ARRB2: variants seen among roughly 807,000 people sequenced by gnomAD.
ARRB2 encodes arrestin beta 2.
Under a neutral mutation model 53.4 loss-of-function variants are expected in ARRB2, and 21 were observed. The ratio of observed to expected loss-of-function variants is 0.39; its 90% CI spans 0.28 to 0.57. The LOEUF is 0.57. Ranked by LOEUF, ARRB2 falls within the 20% of genes least tolerant of loss-of-function variation. ARRB2 has a pLI of 0.55. For missense variants in ARRB2, 369 were observed against 527.5 expected (o/e 0.70, Z 2.94); for synonymous variants, 180 against 212.9 (o/e 0.85, Z 1.34).
chr17:4,715,568 G>GAC (rs112527658), intron 2 of ARRB2: 3,368 of 219,522 alleles, frequency 0.015, 64 homozygotes, highest in African/African-American at 0.056. Context: ...CACACACACG[G>GAC]ACACACACAC....
intron 2 of ARRB2, 157 bp from the exon 3 acceptor site, chr17:4,715,816 C>T: frequency 1.3e-6 from 1 of 793,014 alleles, no homozygotes; most frequent in Admixed American, 2.6e-5. Context: ...AGAAACGCCA[C>T]CACCCTCACT....
At chr17:4,716,767 G>T in intron 5 of ARRB2, 159 bp downstream of exon 5, 1 of 1,351,772 alleles carries the variant, frequency 7.4e-7, no homozygotes, top group Non-Finnish European at 9.8e-7. Context: ...GGAAGCCCTT[G>T]ATTATCTGCC....
chr17:4,711,666 G>C (rs1914425360), intron 1 of ARRB2, among the ~76,000 whole-genome samples: 2 of 152,136 alleles, frequency 1.3e-5, no homozygotes, highest in Admixed American at 6.5e-5. Context: ...AAGTAGACGA[G>C]CATCAGAAAG....
In ARRB2 at chr17:4,715,990, C is replaced by T. The variant is rs1914984695; in HGVS notation, c.72C>T (p.Gly24=). ...SPNCKLTVYL[G]KRDFVDHLDK... Reference sequence around the variant, plus strand: ...ATCCTCAGCTCACCGTGTACTTGGGCAAGCGGGACTTCGTAGATCACCTGG... The same window carrying T: ...ATCCTCAGCTCACCGTGTACTTGGGTAAGCGGGACTTCGTAGATCACCTGG... Residue 24 remains glycine, a synonymous_variant, in exon 3 of 15, where the codon GGC becomes GGT. Transcript: ENST00000269260. 6.2e-7 allele frequency: 1 copy of T among 1,614,190 alleles called. No individual in the cohort carries two copies. The highest frequency in any genetic ancestry group is 8.5e-7 in the Non-Finnish European group (1 of 1,180,030).
At chr17:4,713,011 C>T (rs34126206) in intron 1 of ARRB2, among the ~76,000 whole-genome samples, 65 of 152,244 alleles carry the variant, frequency 4.3e-4, no homozygotes, top group Middle Eastern at 3.4e-3. Flanking sequence ...TTTTTTGAGA[C>T]AAAGTCTTGC....
At chr17:4,713,420 C>T (rs954617950) in intron 1 of ARRB2, among the ~76,000 whole-genome samples, 15 of 152,120 alleles carry the variant, frequency 9.9e-5, no homozygotes, top group Admixed American at 4.6e-4. Context: ...ATCACGAGGT[C>T]GGGAGATTGA....
At chr17:4,714,093 CT>C (rs11324202) in intron 1 of ARRB2, among the ~76,000 whole-genome samples, 97,300 of 151,998 alleles carry the variant, frequency 0.64, 32,082 homozygotes, top group East Asian at 0.81. Context: ...CTGGAGATGC[CT>C]AAATTAATAA....
chr17:4,718,062 T>A lies in ARRB2; in HGVS notation c.621+39T>A, dbSNP rs770136631. Reference sequence around the variant, plus strand: ...GGGTGACACGGATGCCACGGTGCAGTTTAGACCCTGGGGGAGGGGCGAAGC... The same window carrying A: ...GGGTGACACGGATGCCACGGTGCAGATTAGACCCTGGGGGAGGGGCGAAGC... On this transcript the variant is annotated intron_variant, in intron 8 of 14. Transcript: ENST00000269260. 7.5e-6 allele frequency: 12 copies of A among 1,610,128 alleles called. No individual in the cohort carries two copies. In the Admixed American group the frequency reaches 1.8e-4, roughly 25 times the overall value.
At chr17:4,714,557 G>A (rs1170732390) in intron 1 of ARRB2, 1 of 282,370 alleles carries the variant, frequency 3.5e-6, no homozygotes, top group East Asian at 9.0e-5. Context: ...GACAAGACAA[G>A]GGGCATTTCC....
intron 1 of ARRB2, among the ~76,000 whole-genome samples, chr17:4,712,059 T>C (rs1914466910): frequency 6.6e-6 from 1 of 152,134 alleles, no homozygotes; most frequent in African/African-American, 2.4e-5. Context: ...CCAGGGCAAT[T>C]GCCCCAGAAC....
chr17:4,717,133 GTCTCCAGCC>G lies in ARRB2; in HGVS notation c.358-80_358-72del. 6.8e-7 allele frequency: 1 copy of G among 1,468,692 alleles called. No individual in the cohort carries two copies. Among genetic ancestry groups the G allele is most frequent in the Non-Finnish European group, 9.5e-7 (1 of 1,049,048 alleles). The allele number at this position is 1,468,692 out of a possible 1,614,324, so 91.0% of individuals were successfully genotyped here. A position where few individuals can be genotyped will look rare whatever the true frequency, so the allele number is the denominator to read the frequency against. ...ACAGGCATGAGCCACCACACCCAGCGTCTCCAGCCTCTTAGGTTGAGATTTGGAGGAAGA... is the reference window on the plus strand; with the variant it reads ...ACAGGCATGAGCCACCACACCCAGCGTCTTAGGTTGAGATTTGGAGGAAGA... On this transcript the variant is annotated intron_variant, in intron 5 of 14. Coordinates refer to ENST00000269260, the MANE Select transcript of ARRB2 (RefSeq NM_004313.4). This position sits in a 1 kb window ranked among gnomAD's most constrained non-coding sequence, Gnocchi z 6.0.
intron 2 of ARRB2, chr17:4,715,478 C>CACAG (rs1914860383): frequency 1.6e-5 from 2 of 122,694 alleles, no homozygotes; most frequent in Non-Finnish European, 1.6e-5. Context: ...CAAACACACA[C>CACAG]ACACACAGAC....
intron 3 of ARRB2, 38 bp downstream of exon 3, chr17:4,716,071 A>AG: frequency 6.2e-7 from 1 of 1,613,922 alleles, no homozygotes; most frequent in Non-Finnish European, 8.5e-7. Flanking sequence ...GTTCCCCAAG[A>AG]GGGGAAGAAG....
At chr17:4,713,655 T>C (rs1007346896) in intron 1 of ARRB2, among the ~76,000 whole-genome samples, 1 of 146,900 alleles carries the variant, frequency 6.8e-6, no homozygotes, top group Non-Finnish European at 1.5e-5. Context: ...CCAGGCATGA[T>C]GGCAGGCACC....
In ARRB2 at chr17:4,710,690, C is replaced by T. The variant is rs997000744; in HGVS notation, c.-32C>T. On this transcript the variant is annotated 5_prime_UTR_variant, in exon 1 of 15. Coordinates refer to ENST00000269260, the MANE Select transcript of ARRB2 (RefSeq NM_004313.4). ...GCGGGCGAGGAGGCTGCGAGCGAGC[C>T]GCGAACCGAGCGGGCGGCGGGCGCG... 3 of 398,382 alleles carry T rather than the reference C, an allele frequency of 7.5e-6. No homozygotes were observed. Among genetic ancestry groups the T allele is most frequent in the Admixed American group, 4.4e-5 (1 of 22,678 alleles). 24.7% of individuals were successfully genotyped at this position (398,382 alleles called of 1,614,324 possible).
rs925976323 is a variant in ARRB2, at chr17:4,717,299, G to T, written c.417+23G>T. ...AAGGTACGGGAGGAACAGCTCTGAG[G>T]GCTCCTAGGGCAGGACATGGGCCAG... On this transcript the variant is annotated intron_variant, in intron 6 of 14. Transcript: ENST00000269260. The surrounding 1 kb of genome is among the most constrained non-coding windows in gnomAD (Gnocchi z 6.0). 38 of 1,613,434 alleles carry T rather than the reference G, an allele frequency of 2.4e-5. No homozygotes were observed. The highest frequency in any genetic ancestry group is 3.1e-5 in the Non-Finnish European group (37 of 1,179,380).
chr17:4,716,621 C>G lies in ARRB2; in HGVS notation c.357+13C>G, dbSNP rs776537884. On this transcript the variant is annotated intron_variant, in intron 5 of 14. Transcript: ENST00000269260. ...CTTCTTCTTCACCGTGAGGATGCCC[C>G]TGCCCTCTGAGGGCCAGGGGGCTGG... 31 of 1,554,282 alleles carry G rather than the reference C, an allele frequency of 2.0e-5. No individual in the cohort carries two copies. The highest frequency in any genetic ancestry group is 2.7e-5 in the Non-Finnish European group (31 of 1,150,668).
chr17:4,715,752 A>C, intron 2 of ARRB2: 1 of 571,910 alleles, frequency 1.7e-6, no homozygotes, highest in Non-Finnish European at 3.1e-6. Flanking sequence ...GCTGGTGGGC[A>C]GAGGTGTGCA....
At position 4,720,432 on chromosome 17, in the gene ARRB2, C is replaced by A. The variant is rs765276770; in HGVS notation, c.1041C>A (p.Pro347=). 3 of 1,613,848 alleles carry A rather than the reference C, an allele frequency of 1.9e-6. No homozygotes were observed. In the Admixed American group the frequency reaches 5.0e-5, roughly 27 times the overall value. ...SVELPFVLMH[P]KPHDHIPLPR... is the part of the protein sequence containing the mutation. ...AGCTGCCTTTTGTTCTTATGCACCC[C>A]AAGCCCCACGACCACATCCCCCTCC... Residue 347 remains proline, a synonymous_variant, in exon 13 of 15, where the codon CCC becomes CCA. Coordinates refer to ENST00000269260, the MANE Select transcript of ARRB2 (RefSeq NM_004313.4).
Sources: allele counts gnomAD v4.1 joint callset (sites outside exome capture counted in the v4.1 genomes callset), GRCh38; gene constraint gnomAD v4.1.1; non-coding constraint Gnocchi (gnomAD v3.1); transcripts MANE v1.5; gene names NCBI Gene and HGNC (gene_info 2026-07-23, HGNC 2026-07-21).